NFE2L3: variants seen among roughly 807,000 people sequenced by gnomAD.
The protein encoded by NFE2L3 is NFE2 like bZIP transcription factor 3, also known as nuclear factor erythroid 2-related factor 3.
NFE2L3 carries 18 observed loss-of-function variants against 23.5 expected under a neutral mutation model. The ratio of observed to expected loss-of-function variants is 0.77; its 90% CI spans 0.53 to 1.13. The LOEUF (loss-of-function observed/expected upper bound fraction) is 1.13. Among genes scored for constraint, NFE2L3 ranks in the 50% most tolerant of loss-of-function variants. The pLI, the probability that NFE2L3 is intolerant of heterozygous loss-of-function variation, is 0.00. For missense variants in NFE2L3, 1,152 were observed against 877.2 expected, an observed-to-expected ratio of 1.31 and a Z score of -3.96; for synonymous variants, 424 against 354.5, an observed-to-expected ratio of 1.20 and a Z score of -2.20.
chr7:26,155,930 T>C (rs1784074869), intron 1 of NFE2L3, among the ~76,000 whole-genome samples: 1 of 152,174 alleles, frequency 6.6e-6, no homozygotes, highest in Admixed American at 6.5e-5. Context: ...AAGAGCAGCA[T>C]GGTGCCTGGA....
chr7:26,175,135 A>C (rs928721228), intron 1 of NFE2L3, among the ~76,000 whole-genome samples: 13 of 149,646 alleles, frequency 8.7e-5, no homozygotes, highest in African/African-American at 3.2e-4. Flanking sequence ...TCATGAGGTC[A>C]GGAGATTGAG....
At chr7:26,161,706 A>C (rs1395091510) in intron 1 of NFE2L3, among the ~76,000 whole-genome samples, 2 of 152,142 alleles carry the variant, frequency 1.3e-5, no homozygotes, top group Non-Finnish European at 2.9e-5. Flanking sequence ...GTCAAAGCCC[A>C]ATTTCCCTAG....
At chr7:26,180,135 TTTATATTTCCCAGGCAAAA>T (rs1583937886) in intron 2 of NFE2L3, among the ~76,000 whole-genome samples, 1 of 152,138 alleles carries the variant, frequency 6.6e-6, no homozygotes, top group East Asian at 1.9e-4. Context: ...TTTCTCATCG[TTTATATTTCCCAGGCAAAA>T]ACAGGACACT....
intron 1 of NFE2L3, chr7:26,174,589 T>A (rs2128099082): frequency 6.6e-6 from 1 of 152,326 alleles, no homozygotes; most frequent in East Asian, 1.9e-4. Context: ...AGGCACAGTG[T>A]CAGAGTTAGG....
intron 1 of NFE2L3, among the ~76,000 whole-genome samples, chr7:26,161,409 T>C (rs532123367): frequency 3.9e-4 from 51 of 129,876 alleles, no homozygotes; most frequent in Middle Eastern, 4.8e-3. Context: ...CTAAGGGAAA[T>C]CCAGTGACAA....
At position 26,161,049 on chromosome 7, in the gene NFE2L3, C is replaced by T. The variant is rs146731688; in HGVS notation, c.570+7981C>T. Among the ~76,000 whole-genome samples, 3 of 152,312 alleles carry T rather than the reference C, an allele frequency of 2.0e-5. No individual in the cohort carries two copies. In the East Asian group the frequency reaches 5.8e-4, roughly 29 times the overall value. On this transcript the variant is annotated intron_variant, in intron 1 of 3. Transcript: ENST00000056233. The stretch of plus-strand genomic sequence containing the variant: ...CTCCAGGTCAAACCTCCAGGACACC[C>T]CTTGTCTTCTAGAGGAAATTACCAA...
intron 1 of NFE2L3, among the ~76,000 whole-genome samples, chr7:26,161,611 A>T (rs1784175391): frequency 6.6e-6 from 1 of 152,034 alleles, no homozygotes; most frequent in Non-Finnish European, 1.5e-5. Context: ...GAATGGAAGG[A>T]GTGTCTGGCT....
rs926209482 is a variant in NFE2L3 at position 26,153,049 on chromosome 7, C to G, written c.551C>G (p.Ala184Gly). 9.2e-6 allele frequency: 14 copies of G among 1,526,586 alleles called. No homozygotes were observed. The African/African-American group carries it at 1.8e-4, about 20-fold the overall frequency. 94.6% of individuals were successfully genotyped at this position (1,526,586 alleles called of 1,614,324 possible). Residue 184 changes from alanine to glycine, a missense_variant, in exon 1 of 4, where the codon GCT becomes GGT. Coordinates refer to ENST00000056233, the MANE Select transcript of NFE2L3 (RefSeq NM_004289.7). ...GAACCGACGGCTCAGGTGCCGGACG[C>G]TGGCGGATGTGCGAGCGAGGTAGGT... ...PAEPTAQVPDAGGCASEENGV... is the reference protein window; with the variant it reads ...PAEPTAQVPDGGGCASEENGV...
At position 26,177,874 on chromosome 7, in the gene NFE2L3, C is replaced by T. The variant is rs1158313944; in HGVS notation, c.571-69C>T. 14 of 1,349,218 alleles carry T rather than the reference C, an allele frequency of 1.0e-5. No individual in the cohort carries two copies. The African/African-American group carries it at 1.8e-4, about 17-fold the overall frequency. The allele number at this position is 1,349,218 out of a possible 1,614,324, so 83.6% of individuals were successfully genotyped here. A position where few individuals can be genotyped will look rare whatever the true frequency, so the allele number is the denominator to read the frequency against. On this transcript the variant is annotated intron_variant, in intron 1 of 3. Coordinates refer to ENST00000056233, the MANE Select transcript of NFE2L3 (RefSeq NM_004289.7). ...TTTTGACTTGTGGGTTTTCATGGTC[C>T]CTGAACAATAAGCACAATGCAGTTT... is the stretch of plus-strand genomic sequence containing the variant.
Position 26,184,887 on chromosome 7 carries a change from T to C in NFE2L3, c.1189T>C (p.Leu397=). 1 of 1,613,974 alleles carries C rather than the reference T, an allele frequency of 6.2e-7. No homozygotes were observed. Among genetic ancestry groups the C allele is most frequent in the Non-Finnish European group, 8.5e-7 (1 of 1,179,846 alleles). The part of the protein sequence containing the change: ...NIFDEINLMS[L]ATEDNFDPID... ...ATTTGATGAGATAAACTTAATGTCA[T>C]TGGCCACAGAAGACAACTTTGATCC... The change falls in exon 4 of 4, where the codon TTG becomes CTG. Residue 397 remains leucine (L), a synonymous_variant. Coordinates refer to ENST00000056233, the MANE Select transcript of NFE2L3 (RefSeq NM_004289.7).
At chr7:26,174,862 A>G (rs1355719464) in intron 1 of NFE2L3, 1 of 152,226 alleles carries the variant, frequency 6.6e-6, no homozygotes, top group Non-Finnish European at 1.5e-5. Flanking sequence ...AGCTTTTAAC[A>G]TGATAGTTGA....
chr7:26,152,906 C>T lies in NFE2L3; in HGVS notation c.408C>T (p.Thr136=). 6.9e-7 allele frequency: 1 copy of T among 1,445,580 alleles called. No individual in the cohort carries two copies. The highest frequency in any genetic ancestry group is 9.0e-7 in the Non-Finnish European group (1 of 1,110,488). 89.5% of individuals were successfully genotyped at this position (1,445,580 alleles called of 1,614,324 possible). The change falls in exon 1 of 4, where the codon ACC becomes ACT. Residue 136 remains threonine, a synonymous_variant. Coordinates refer to ENST00000056233, the MANE Select transcript of NFE2L3 (RefSeq NM_004289.7). This position sits in a 1 kb window ranked among gnomAD's most constrained non-coding sequence, Gnocchi z 4.4. The stretch of plus-strand genomic sequence containing the variant: ...TCGGCGCCGCCGCCGCCTCGTCCAC[C>T]GGAGGAGCCGGCGCCAGCGTGGACG... ...GLLGAAAASS[T]GGAGASVDGG... is the part of the protein sequence containing the mutation.
chr7:26,177,526 C>A (rs1175774738), intron 1 of NFE2L3, among the ~76,000 whole-genome samples: 1 of 151,878 alleles, frequency 6.6e-6, no homozygotes, highest in African/African-American at 2.4e-5. Flanking sequence ...GAGCCCGAGG[C>A]AGGGAGGTTG....
intron 1 of NFE2L3, among the ~76,000 whole-genome samples, chr7:26,173,234 C>T (rs553655608): frequency 1.3e-5 from 2 of 152,192 alleles, no homozygotes; most frequent in African/African-American, 4.8e-5. Flanking sequence ...CCTTTGTTAC[C>T]AATTCATTAC....
chr7:26,164,124 C>G (rs570521918), intron 1 of NFE2L3, among the ~76,000 whole-genome samples: 97 of 152,310 alleles, frequency 6.4e-4, no homozygotes, highest in African/African-American at 2.3e-3. Flanking sequence ...CATATGTGTG[C>G]ATGTGTCTTT....
chr7:26,181,312 TTC>T lies in NFE2L3; in HGVS notation c.751-2387_751-2386del, dbSNP rs1784504409. ...TAGTAGCTCTGACAAGATATTTCTGTTCTTTTATTGGGCTATTACTTAGTAGG... is the reference window on the plus strand; with the variant it reads ...TAGTAGCTCTGACAAGATATTTCTGTTTTTATTGGGCTATTACTTAGTAGG... On this transcript the variant is annotated intron_variant, in intron 2 of 3. Coordinates refer to ENST00000056233, the MANE Select transcript of NFE2L3 (RefSeq NM_004289.7). Among the ~76,000 whole-genome samples the T allele has an allele frequency of 4.6e-5, 7 of 152,286 alleles. No homozygotes were observed. In the South Asian group the frequency reaches 1.5e-3, roughly 32 times the overall value.
chr7:26,158,945 T>C (rs1055247511), intron 1 of NFE2L3, among the ~76,000 whole-genome samples: 3 of 152,212 alleles, frequency 2.0e-5, no homozygotes, highest in Non-Finnish European at 4.4e-5. Context: ...AATGAGATAG[T>C]GCAAGTTGAG....
chr7:26,182,607 G>A (rs898863710), intron 2 of NFE2L3, among the ~76,000 whole-genome samples: 1 of 145,986 alleles, frequency 6.8e-6, no homozygotes, highest in Non-Finnish European at 1.5e-5. Context: ...CAGCCTGGGC[G>A]ACAGGACAAG....
rs749323036 is a variant in NFE2L3, at chr7:26,185,880, C to G, written c.*97C>G. ...ATTGAAACTGCTTCAAGAATTGTAT[C>G]TTTAAGTACTGCTACTTGAATAACT... On this transcript the variant is annotated 3_prime_UTR_variant, in exon 4 of 4. Transcript: ENST00000056233. 219 of 965,044 alleles carry G rather than the reference C, an allele frequency of 2.3e-4. No homozygotes were observed. The highest frequency in any genetic ancestry group is 3.0e-4 in the Non-Finnish European group (200 of 662,460). The allele number at this position is 965,044 out of a possible 1,614,324, so 59.8% of individuals were successfully genotyped here.
Sources: allele counts gnomAD v4.1 joint callset (sites outside exome capture counted in the v4.1 genomes callset), GRCh38; gene constraint gnomAD v4.1.1; non-coding constraint Gnocchi (gnomAD v3.1); transcripts MANE v1.5; gene names NCBI Gene and HGNC (gene_info 2026-07-23, HGNC 2026-07-21).